Variants in GRID2 observed in about 807,000 individuals in gnomAD.
The protein encoded by GRID2 is glutamate ionotropic receptor delta type subunit 2.
A neutral mutation model predicts 114.8 loss-of-function variants in GRID2; 33 were observed. The observed-to-expected ratio is 0.29, with a 90% CI of 0.22 to 0.38. The LOEUF is 0.38. Ranked by LOEUF, GRID2 falls within the 10% of genes least tolerant of loss-of-function variation. GRID2 has a pLI of 1.00. For missense variants in GRID2, 1,184 were observed against 1,257.7 expected, an observed-to-expected ratio of 0.94 and a Z score of 0.89; for synonymous variants, 505 against 449.9, an observed-to-expected ratio of 1.12 and a Z score of -1.55.
chr4:92,463,200 T>A (rs1264900034), intron 1 of GRID2, among the ~76,000 whole-genome samples: 2 of 151,948 alleles, frequency 1.3e-5, no homozygotes, highest in African/African-American at 4.8e-5. Flanking sequence ...GTTTTTTAAT[T>A]TCTGTTTCAG....
intron 12 of GRID2, among the ~76,000 whole-genome samples, chr4:93,494,363 A>T (rs3857066): frequency 6.6e-6 from 1 of 151,284 alleles, no homozygotes. Context: ...ATGTCAGTGA[A>T]GGGGAGAGAG....
intron 2 of GRID2, among the ~76,000 whole-genome samples, chr4:93,080,547 T>C (rs560627899): frequency 6.6e-6 from 1 of 152,278 alleles, no homozygotes; most frequent in East Asian, 1.9e-4. Flanking sequence ...CTGAATAAAC[T>C]AGAAACTCTA....
chr4:92,961,785 T>G (rs1434823849), intron 2 of GRID2, among the ~76,000 whole-genome samples: 4 of 151,856 alleles, frequency 2.6e-5, no homozygotes, highest in Non-Finnish European at 5.9e-5. Context: ...CTTCTTCTGA[T>G]AGTCTCATTA....
intron 1 of GRID2, among the ~76,000 whole-genome samples, chr4:92,323,821 C>T (rs1196688771): frequency 6.6e-6 from 1 of 151,918 alleles, no homozygotes; most frequent in Non-Finnish European, 1.5e-5. Context: ...GAGCCTAGGA[C>T]CCTCTTTTGC....
At position 92,886,096 on chromosome 4, in the gene GRID2, C is replaced by T. The variant is rs139688249; in HGVS notation, c.245-198899C>T. Among the ~76,000 whole-genome samples, 41 of 152,096 alleles carry T rather than the reference C, an allele frequency of 2.7e-4. 1 individual carries two copies. In the East Asian group the frequency reaches 7.9e-3, roughly 29 times the overall value. On this transcript the variant is annotated intron_variant, in intron 2 of 15. Transcript: ENST00000282020. Reference sequence around the variant, plus strand: ...TTGCAATTACAACTTTCAGCCCTTTCTAGTACAAAATAATATAATAATAAT... The same window carrying T: ...TTGCAATTACAACTTTCAGCCCTTTTTAGTACAAAATAATATAATAATAAT...
At chr4:93,786,912 G>A (rs72875999) in intron 1 of GRID2, among the ~76,000 whole-genome samples, 3,791 of 152,210 alleles carry the variant, frequency 0.025, 159 homozygotes, top group African/African-American at 0.086. Flanking sequence ...ACTCAAAGTG[G>A]TACTAAACAA....
intron 6 of GRID2, among the ~76,000 whole-genome samples, chr4:93,218,095 C>T (rs945064359): frequency 2.0e-5 from 3 of 151,898 alleles, no homozygotes; most frequent in Non-Finnish European, 4.4e-5. Flanking sequence ...AAAGGATTTG[C>T]CATTTATCCA....
At position 93,423,336 on chromosome 4, in the gene GRID2, C is replaced by CTTTTTTTTTTT. The variant is rs554663844; in HGVS notation, c.1545+387_1545+397dup. 2.3e-4 allele frequency among the ~76,000 whole-genome samples: 17 copies of CTTTTTTTTTTT among 73,568 alleles called. 1 individual carries two copies. The highest frequency in any genetic ancestry group is 9.2e-4 in the East Asian group (2 of 2,178). 48.3% of individuals were successfully genotyped at this position (73,568 alleles called of 152,430 possible). On this transcript the variant is annotated intron_variant, in intron 10 of 15. Coordinates refer to ENST00000282020, the MANE Select transcript of GRID2 (RefSeq NM_001510.4). ...GCAATTTGTACTATTTTTTTTCTTT[C>CTTTTTTTTTTT]TTTTTTTTTTTTTTTTTTTTTTTTT...
intron 14 of GRID2, among the ~76,000 whole-genome samples, chr4:93,740,577 C>T (rs577383479): frequency 3.9e-5 from 6 of 152,180 alleles, no homozygotes; most frequent in African/African-American, 7.2e-5. Flanking sequence ...GTTGCTGTAG[C>T]GCCAGCCTCA....
At chr4:92,999,752 A>G (rs994275276) in intron 2 of GRID2, among the ~76,000 whole-genome samples, 23 of 151,626 alleles carry the variant, frequency 1.5e-4, no homozygotes, top group African/African-American at 5.6e-4. Context: ...CAAGACAGCC[A>G]TAAGATATAT....
At chr4:93,553,826 A>G (rs1048903392) in intron 13 of GRID2, among the ~76,000 whole-genome samples, 1 of 152,174 alleles carries the variant, frequency 6.6e-6, no homozygotes, top group Non-Finnish European at 1.5e-5. Context: ...AATTTTTACT[A>G]TCTATGTTTC....
intron 2 of GRID2, among the ~76,000 whole-genome samples, chr4:92,652,094 A>C (rs1731962459): frequency 6.6e-6 from 1 of 152,062 alleles, no homozygotes. Flanking sequence ...GATGCAGTGC[A>C]TGCACAACTT....
At chr4:93,038,200 A>C (rs556384901) in intron 2 of GRID2, among the ~76,000 whole-genome samples, 1 of 152,182 alleles carries the variant, frequency 6.6e-6, no homozygotes, top group Non-Finnish European at 1.5e-5. Context: ...ATTTCTAAGT[A>C]TTTTATTCTC....
intron 11 of GRID2, 111 bp from the exon 12 acceptor site, chr4:93,490,528 C>A: frequency 2.9e-6 from 2 of 692,572 alleles, no homozygotes; most frequent in Non-Finnish European, 5.0e-6. Context: ...TGATGTTAAG[C>A]AGAAAAAATT....
intron 8 of GRID2, among the ~76,000 whole-genome samples, chr4:93,277,728 A>G (rs1388079724): frequency 6.6e-6 from 1 of 151,908 alleles, no homozygotes; most frequent in African/African-American, 2.4e-5. Context: ...CACCACTCCT[A>G]TCCCCACTTC....
intron 1 of GRID2, among the ~76,000 whole-genome samples, chr4:92,428,087 C>A (rs1054129111): frequency 6.6e-6 from 1 of 151,836 alleles, no homozygotes; most frequent in Non-Finnish European, 1.5e-5. Flanking sequence ...ACGGTGAAAT[C>A]CCGTCTCTAC....
chr4:93,312,302 G>A (rs1441781910), intron 8 of GRID2, among the ~76,000 whole-genome samples: 1 of 152,138 alleles, frequency 6.6e-6, no homozygotes, highest in Non-Finnish European at 1.5e-5. Context: ...GAGTTTTTCT[G>A]TAATACTCCA....
chr4:93,783,419 C>A (rs1734521705), intron 1 of GRID2, among the ~76,000 whole-genome samples: 1 of 152,128 alleles, frequency 6.6e-6, no homozygotes, highest in Admixed American at 6.5e-5. Context: ...AGAATCAAGG[C>A]GAGATGGAGG....
chr4:92,941,970 A>C lies in GRID2; in HGVS notation c.245-143025A>C, dbSNP rs895396895. On this transcript the variant is annotated intron_variant, in intron 2 of 15. Coordinates refer to ENST00000282020, the MANE Select transcript of GRID2 (RefSeq NM_001510.4). ...AATTTCTGTTCTTTTACATTTGCTG[A>C]GGAATGCTTTACTTCCAAGTATGTG... is the stretch of plus-strand genomic sequence containing the variant. 1.7e-3 allele frequency among the ~76,000 whole-genome samples: 259 copies of C among 152,216 alleles called. 5 individuals carry two copies. The highest frequency in any genetic ancestry group is 4.4e-4 in the Non-Finnish European group (30 of 68,022).
Sources: gnomAD v4.1 joint callset for allele counts (sites outside exome capture counted in the v4.1 genomes callset) on GRCh38, gnomAD v4.1.1 for gene constraint, MANE v1.5 for transcripts, NCBI Gene and HGNC (gene_info 2026-07-23, HGNC 2026-07-21) for gene names.